Variants in RIT1 observed in about 807,000 individuals in gnomAD.
RIT1 encodes the protein GTP-binding protein Rit1.
Under a neutral mutation model 25.6 loss-of-function variants are expected in RIT1, and 6 were observed. The observed-to-expected ratio is 0.23, with a 90% confidence interval of 0.13 to 0.46. The LOEUF (loss-of-function observed/expected upper bound fraction) is 0.46. Among genes scored for constraint, RIT1 ranks in the 20% least tolerant of loss-of-function variants. The probability of loss-of-function intolerance (pLI) is 0.99; values close to 1 mark genes in which losing one functional copy is unlikely to be tolerated. For synonymous variants in RIT1, 81 were observed against 94.1 expected (o/e 0.86, Z 0.80); for missense variants, 219 against 284.4 (o/e 0.77, Z 1.65).
intron 5 of RIT1, among the ~76,000 whole-genome samples, chr1:155,903,170 C>T (rs1334285889): frequency 6.6e-6 from 1 of 152,084 alleles, no homozygotes; most frequent in Non-Finnish European, 1.5e-5. Context: ...GTGGCGGACA[C>T]CTGTAGTCCC....
In RIT1 at chr1:155,910,431, A is replaced by T; in HGVS notation, c.163+19T>A. On this transcript the variant is annotated intron_variant, in intron 3 of 5. Coordinates refer to ENST00000368323, the MANE Select transcript of RIT1 (RefSeq NM_006912.6). ...TTTTATGGGGTATATTTGGAAACAT[A>T]AGTGATGATCTGGCTTACCAATGGT... 1 of 1,601,716 alleles carries T rather than the reference A, an allele frequency of 6.2e-7. No homozygotes were observed. Among genetic ancestry groups the T allele is most frequent in the Non-Finnish European group, 8.6e-7 (1 of 1,168,844 alleles).
chr1:155,909,237 G>T (rs1673527381), intron 3 of RIT1, among the ~76,000 whole-genome samples: 1 of 151,906 alleles, frequency 6.6e-6, no homozygotes, highest in Non-Finnish European at 1.5e-5. Flanking sequence ...AATTAGCCGG[G>T]CTTGGTGGCG....
intron 2 of RIT1, 65 bp from the exon 3 acceptor site, chr1:155,910,571 T>C: frequency 6.2e-7 from 1 of 1,608,142 alleles, no homozygotes; most frequent in African/African-American, 1.3e-5. Context: ...TTTTAAGTAT[T>C]AACATTGCAA....
Position 155,898,512 on chromosome 1 carries a change from AAAAAAAAT to A in RIT1, c.*1868_*1875del, listed in dbSNP as rs1448325988. ...CTATTTAAAAAAAAAAAAAAAAAAA[AAAAAAAAT>A]ATATATATATATATATATATATATC... On this transcript the variant is annotated 3_prime_UTR_variant, in exon 6 of 6. Coordinates refer to ENST00000368323, the MANE Select transcript of RIT1 (RefSeq NM_006912.6). 3 of 107,640 alleles carry A rather than the reference AAAAAAAAT, an allele frequency of 2.8e-5. No homozygotes were observed. The highest frequency in any genetic ancestry group is 1.0e-4 in the Admixed American group (1 of 9,860). 6.7% of individuals were successfully genotyped at this position (107,640 alleles called of 1,614,324 possible).
At chr1:155,905,548 T>C (rs2102585852) in intron 3 of RIT1, among the ~76,000 whole-genome samples, 1 of 152,178 alleles carries the variant, frequency 6.6e-6, no homozygotes, top group South Asian at 2.1e-4. Context: ...GAAAAGTAAC[T>C]TTACCATTTA....
Position 155,904,415 on chromosome 1 carries a change from G to T in RIT1, c.325C>A (p.His109Asn). ...AGCTGTTTAAACTCACGAACTTCAT[G>T]GAAACTTCGACGATCCGTGATAGAG... ...CYSITDRRSFHEVREFKQLIY... is the reference protein window; with the variant it reads ...CYSITDRRSFNEVREFKQLIY... Residue 109 changes from histidine (H) to asparagine (N), a missense_variant, in exon 5 of 6, where the codon CAT becomes AAT. By Grantham distance (68) the His-to-Asn change is moderately conservative. Transcript: ENST00000368323. 1 of 1,613,906 alleles carries T rather than the reference G, an allele frequency of 6.2e-7. No homozygotes were observed. Among genetic ancestry groups the T allele is most frequent in the Non-Finnish European group, 8.5e-7 (1 of 1,179,844 alleles).
At position 155,910,739 on chromosome 1, in the gene RIT1, A is replaced by G. The variant is rs977203137; in HGVS notation, c.23T>C (p.Val8Ala). 6.2e-7 allele frequency: 1 copy of G among 1,614,248 alleles called. No homozygotes were observed. MDSGTRP[V>A]GSCCSSPAGL... The stretch of plus-strand genomic sequence containing the variant: ...AGCGGGGCTGCTACAGCAGCTACCA[A>G]CTGGGCGAGTTCCAGAATCCATTGT... Residue 8 changes from valine (V) to alanine (A), a missense_variant, in exon 2 of 6, where the codon GTT (valine) becomes GCT (alanine). Val to Ala is a moderately conservative substitution (Grantham distance 64). This residue lies in a region of RIT1 where 131 missense variants were observed against 173.6 expected (regional missense o/e 0.75). Coordinates refer to ENST00000368323, the MANE Select transcript of RIT1 (RefSeq NM_006912.6).
chr1:155,899,078 A>AT lies in RIT1; in HGVS notation c.*1309dup, dbSNP rs1031434846. 4.8e-5 allele frequency: 10 copies of AT among 206,906 alleles called. No individual in the cohort carries two copies. Among genetic ancestry groups the AT allele is most frequent in the Admixed American group, 2.4e-4 (4 of 16,826 alleles). The allele number at this position is 206,906 out of a possible 1,614,324, so 12.8% of individuals were successfully genotyped here. On this transcript the variant is annotated 3_prime_UTR_variant, in exon 6 of 6. Transcript: ENST00000368323. ...GCATTTTTGCATTTACTCTCCGCAT[A>AT]TAACAAGGTCAGATATCAAAACAGT...
chr1:155,909,624 A>G (rs1190843107), intron 3 of RIT1, among the ~76,000 whole-genome samples: 2 of 152,142 alleles, frequency 1.3e-5, no homozygotes, highest in African/African-American at 2.4e-5. Context: ...GTTAAGGACC[A>G]TAAAAGACAT....
rs1673573604 is a variant in RIT1, at chr1:155,910,578, G to C, written c.107-72C>G. 3.1e-6 allele frequency: 5 copies of C among 1,600,106 alleles called. No homozygotes were observed. The South Asian group carries it at 5.5e-5, about 18-fold the overall frequency. ...AGAGAGAATTTTAAGTATTAACATT[G>C]CAAGATAGCAAGTATCCCATCTGGT... On this transcript the variant is annotated intron_variant, in intron 2 of 5. Coordinates refer to ENST00000368323, the MANE Select transcript of RIT1 (RefSeq NM_006912.6).
At chr1:155,907,100 C>T (rs905787864) in intron 3 of RIT1, among the ~76,000 whole-genome samples, 5 of 151,442 alleles carry the variant, frequency 3.3e-5, no homozygotes, top group African/African-American at 4.9e-5. Context: ...AGAGTGAGAC[C>T]CTGTCTCAAA....
intron 3 of RIT1, among the ~76,000 whole-genome samples, chr1:155,909,739 T>C (rs1041345525): frequency 6.6e-6 from 1 of 151,626 alleles, no homozygotes; most frequent in Non-Finnish European, 1.5e-5. Flanking sequence ...CTGGCCAACA[T>C]AGTGAAATCC....
intron 5 of RIT1, among the ~76,000 whole-genome samples, chr1:155,902,371 A>AG (rs937690513): frequency 1.3e-5 from 2 of 151,724 alleles, no homozygotes; most frequent in South Asian, 2.1e-4. Flanking sequence ...CAAAAAAAAA[A>AG]AAAAGAAAAG....
At chr1:155,902,882 G>A (rs908724792) in intron 5 of RIT1, among the ~76,000 whole-genome samples, 1 of 151,752 alleles carries the variant, frequency 6.6e-6, no homozygotes, top group African/African-American at 2.4e-5. Context: ...AAAAAAGAAA[G>A]CTGGGCGCGG....
intron 3 of RIT1, among the ~76,000 whole-genome samples, chr1:155,909,055 T>C (rs561120844): frequency 5.3e-5 from 8 of 151,940 alleles, no homozygotes; most frequent in Admixed American, 5.2e-4. Flanking sequence ...CCTAGAGAAC[T>C]AGGATCATGG....
intron 3 of RIT1, among the ~76,000 whole-genome samples, chr1:155,906,052 C>CAA (rs1673432466): frequency 6.6e-6 from 1 of 152,132 alleles, no homozygotes; most frequent in African/African-American, 2.4e-5. Flanking sequence ...TGGTCTTGAA[C>CAA]GCCTGACCTC....
At chr1:155,900,825 CTTTT>C (rs34137561) in intron 5 of RIT1, among the ~76,000 whole-genome samples, 1 of 149,378 alleles carries the variant, frequency 6.7e-6, no homozygotes, top group Non-Finnish European at 1.5e-5. Context: ...TTCTAGTCTA[CTTTT>C]TTTTTTGAGA....
At chr1:155,904,614 A>T (rs889916896) in intron 4 of RIT1, 112 bp from the exon 5 acceptor site, 3 of 1,209,546 alleles carry the variant, frequency 2.5e-6, no homozygotes, top group African/African-American at 1.5e-5. Flanking sequence ...TGCTATCCTG[A>T]GTCAGAGTGC....
Position 155,903,020 on chromosome 1 carries a change from G to A in RIT1, c.429+1291C>T, listed in dbSNP as rs150429473. On this transcript the variant is annotated intron_variant, in intron 5 of 5. Transcript: ENST00000368323. ...TACTTAAAAATACAAAAATTAGGCC[G>A]GGCGCGGTGGCTCATGCCTGTAATC... 4.1e-3 allele frequency among the ~76,000 whole-genome samples: 626 copies of A among 152,034 alleles called. 5 individuals carry two copies. Among genetic ancestry groups the A allele is most frequent in the African/African-American group, 0.014 (584 of 41,460 alleles).
Sources: allele counts gnomAD v4.1 joint callset (sites outside exome capture counted in the v4.1 genomes callset), GRCh38; gene constraint gnomAD v4.1.1; regional missense constraint gnomAD v4.1.1; transcripts MANE v1.5; gene names NCBI Gene and HGNC (gene_info 2026-07-23, HGNC 2026-07-21).